Variants in ANKS1B observed in about 807,000 individuals in gnomAD.
The protein encoded by ANKS1B is ankyrin repeat and sterile alpha motif domain containing 1B.
Under a neutral mutation model 148.3 loss-of-function variants are expected in ANKS1B, and 36 were observed. The ratio of observed to expected loss-of-function variants is 0.24; its 90% CI spans 0.19 to 0.32. The LOEUF (loss-of-function observed/expected upper bound fraction) is 0.32, where lower values mean the gene tolerates loss of function less well. Among genes scored for constraint, ANKS1B ranks in the 10% least tolerant of loss-of-function variants. The pLI is 1.00. For missense variants in ANKS1B, 1,157 were observed against 1,542.6 expected (o/e 0.75, Z 4.19); for synonymous variants, 542 against 560.8 (o/e 0.97, Z 0.47).
At chr12:99,346,183 T>C (rs1329646781) in intron 12 of ANKS1B, among the ~76,000 whole-genome samples, 2 of 152,046 alleles carry the variant, frequency 1.3e-5, no homozygotes, top group African/African-American at 4.8e-5. Context: ...GATTGGGATA[T>C]CATATGAATT....
intron 9 of ANKS1B, among the ~76,000 whole-genome samples, chr12:99,651,371 C>G (rs970095613): frequency 6.6e-6 from 1 of 151,900 alleles, no homozygotes; most frequent in Admixed American, 6.6e-5. Flanking sequence ...AAAAATAAAA[C>G]AATTTTTGTT....
chr12:99,441,123 T>A (rs932773044), intron 11 of ANKS1B, among the ~76,000 whole-genome samples: 37 of 151,918 alleles, frequency 2.4e-4, no homozygotes, highest in Admixed American at 1.3e-4. Flanking sequence ...TACCCATAAA[T>A]CAATCTAACT....
intron 17 of ANKS1B, among the ~76,000 whole-genome samples, chr12:98,972,253 T>C (rs1407774919): frequency 6.6e-6 from 1 of 152,218 alleles, no homozygotes; most frequent in Non-Finnish European, 1.5e-5. Flanking sequence ...TTTTGACAAG[T>C]GACAGGAATT....
chr12:99,221,002 A>AT, intron 14 of ANKS1B, among the ~76,000 whole-genome samples: 1 of 152,292 alleles, frequency 6.6e-6, no homozygotes, highest in East Asian at 1.9e-4. Flanking sequence ...GAAACCATTC[A>AT]TTTAAAAAAG....
At chr12:98,974,753 G>A (rs1465695509) in intron 17 of ANKS1B, among the ~76,000 whole-genome samples, 1 of 152,098 alleles carries the variant, frequency 6.6e-6, no homozygotes, top group Non-Finnish European at 1.5e-5. Flanking sequence ...AGGAGTATGA[G>A]CCAGTAGTCA....
At chr12:99,515,204 T>C (rs936755570) in intron 9 of ANKS1B, among the ~76,000 whole-genome samples, 1 of 152,068 alleles carries the variant, frequency 6.6e-6, no homozygotes. Flanking sequence ...TATCTTAAAA[T>C]ATACAATTAA....
chr12:99,192,510 T>C (rs1436032119), intron 14 of ANKS1B, among the ~76,000 whole-genome samples: 1 of 152,174 alleles, frequency 6.6e-6, no homozygotes, highest in Non-Finnish European at 1.5e-5. Flanking sequence ...AGTTATATTA[T>C]TTACTCCTAA....
chr12:99,648,860 T>C, intron 9 of ANKS1B: 2 of 1,501,728 alleles, frequency 1.3e-6, no homozygotes, highest in African/African-American at 1.4e-5. Context: ...CTGTAAAGCC[T>C]TTGGTGCTGC....
At chr12:99,378,896 C>T (rs545042377) in intron 12 of ANKS1B, among the ~76,000 whole-genome samples, 1 of 152,290 alleles carries the variant, frequency 6.6e-6, no homozygotes, top group South Asian at 2.1e-4. Flanking sequence ...ACAAAACTGG[C>T]AACACGTACC....
Position 99,053,145 on chromosome 12 carries a change from A to C in ANKS1B, c.2778+12T>G. ...GTTGAATAGTTAAGGTGTCACTAAG[A>C]GACCAACTTACATTAATAAGTTCAA... On this transcript the variant is annotated intron_variant, in intron 17 of 26. Coordinates refer to ENST00000683438, the MANE Select transcript of ANKS1B (RefSeq NM_001352186.2). The C allele has an allele frequency of 6.3e-7, 1 of 1,596,760 alleles. No individual in the cohort carries two copies.
rs148159829 is a variant in ANKS1B at position 99,095,010 on chromosome 12, T to C, written c.2527-9987A>G. Among the ~76,000 whole-genome samples the C allele has an allele frequency of 6.7e-4, 69 of 103,574 alleles. No individual in the cohort carries two copies. In the East Asian group the frequency reaches 0.024, roughly 37 times the overall value. The allele number at this position is 103,574 out of a possible 152,430, so 67.9% of individuals were successfully genotyped here. ...TGAAATATGACCTTTTGGGAGACTA[T>C]GGGAATGGGTCTCACTGGGGGGGGG... On this transcript the variant is annotated intron_variant, in intron 15 of 26. Transcript: ENST00000683438.
At chr12:99,574,081 GT>G (rs2097490931) in intron 9 of ANKS1B, among the ~76,000 whole-genome samples, 1 of 152,098 alleles carries the variant, frequency 6.6e-6, no homozygotes, top group East Asian at 1.9e-4. Context: ...CACACATCCA[GT>G]GTTTTGTCAG....
intron 12 of ANKS1B, among the ~76,000 whole-genome samples, chr12:99,293,959 T>A (rs977003752): frequency 6.6e-6 from 1 of 152,144 alleles, no homozygotes; most frequent in East Asian, 1.9e-4. Flanking sequence ...GAAATGCAGA[T>A]CAAAACTACA....
At chr12:98,947,057 C>T (rs1049348999) in intron 17 of ANKS1B, among the ~76,000 whole-genome samples, 1 of 151,352 alleles carries the variant, frequency 6.6e-6, no homozygotes. Flanking sequence ...AACACAAATT[C>T]CCTAAGTTGG....
At chr12:99,113,809 A>G (rs2060780242) in intron 15 of ANKS1B, among the ~76,000 whole-genome samples, 1 of 152,184 alleles carries the variant, frequency 6.6e-6, no homozygotes, top group Middle Eastern at 3.2e-3. Context: ...TTTAAAGGAT[A>G]ACTAGGAGTG....
At chr12:99,932,950 G>A (rs551764748) in intron 1 of ANKS1B, among the ~76,000 whole-genome samples, 4 of 152,150 alleles carry the variant, frequency 2.6e-5, no homozygotes, top group Non-Finnish European at 5.9e-5. Context: ...GATGGCAAGA[G>A]ATAGGGGTCC....
chr12:99,795,062 G>T (rs1474659924), intron 4 of ANKS1B, among the ~76,000 whole-genome samples: 1 of 151,746 alleles, frequency 6.6e-6, no homozygotes, highest in Non-Finnish European at 1.5e-5. Context: ...AAATATGAAA[G>T]ATAGAATAAA....
chr12:99,219,224 T>C (rs1169948404), intron 14 of ANKS1B, among the ~76,000 whole-genome samples: 1 of 152,200 alleles, frequency 6.6e-6, no homozygotes, highest in African/African-American at 2.4e-5. Context: ...TCTTAGAGCA[T>C]TTACTTTACA....
intron 1 of ANKS1B, among the ~76,000 whole-genome samples, chr12:99,953,252 T>C (rs2095258226): frequency 6.6e-6 from 1 of 152,138 alleles, no homozygotes; most frequent in South Asian, 2.1e-4. Context: ...AGTGGGTTAG[T>C]ACTAAGTCAC....
Sources: allele counts gnomAD v4.1 joint callset (sites outside exome capture counted in the v4.1 genomes callset), GRCh38; gene constraint gnomAD v4.1.1; transcripts MANE v1.5; gene names NCBI Gene and HGNC (gene_info 2026-07-23, HGNC 2026-07-21).